The following PTPRD variants were observed in gnomAD, a reference collection of about 807,000 sequenced individuals.
PTPRD encodes receptor-type tyrosine-protein phosphatase delta.
PTPRD carries 34 observed loss-of-function variants against 214.5 expected under a neutral mutation model. The ratio of observed to expected loss-of-function variants is 0.16; its 90% CI spans 0.12 to 0.21. PTPRD has a LOEUF of 0.21. Among genes scored for constraint, PTPRD ranks in the 10% least tolerant of loss-of-function variants. The probability of loss-of-function intolerance (pLI) is 1.00; values close to 1 mark genes in which losing one functional copy is unlikely to be tolerated. For synonymous variants in PTPRD, 1,128 were observed against 845.7 expected, an observed-to-expected ratio of 1.33 and a Z score of -5.79; for missense variants, 2,545 against 2,398.7, an observed-to-expected ratio of 1.06 and a Z score of -1.27.
At chr9:10,495,774 G>A (rs2041865639) in intron 2 of PTPRD, among the ~76,000 whole-genome samples, 1 of 151,622 alleles carries the variant, frequency 6.6e-6, no homozygotes, top group Non-Finnish European at 1.5e-5. Context: ...CTGGTATGGA[G>A]CATTTAAAAT....
At chr9:8,840,621 T>A (rs1318105604) in intron 11 of PTPRD, among the ~76,000 whole-genome samples, 1 of 152,184 alleles carries the variant, frequency 6.6e-6, no homozygotes, top group Non-Finnish European at 1.5e-5. Context: ...ATGGGATGAT[T>A]TATATTTCTA....
intron 9 of PTPRD, among the ~76,000 whole-genome samples, chr9:9,363,214 T>A (rs1462170751): frequency 6.6e-6 from 1 of 150,504 alleles, no homozygotes; most frequent in African/African-American, 2.4e-5. Context: ...AAATAGGGAA[T>A]GATAAGGCCA....
chr9:9,900,276 G>GA, intron 5 of PTPRD, among the ~76,000 whole-genome samples: 1 of 152,106 alleles, frequency 6.6e-6, no homozygotes. Flanking sequence ...ATTTTTAGAA[G>GA]AAGCCAGGCC....
chr9:10,088,294 G>A (rs1165356772), intron 3 of PTPRD, among the ~76,000 whole-genome samples: 4 of 151,648 alleles, frequency 2.6e-5, no homozygotes, highest in African/African-American at 9.7e-5. Flanking sequence ...GCTTTTCATA[G>A]GAAAATGTAA....
chr9:9,895,299 G>A (rs1329881309), intron 5 of PTPRD, among the ~76,000 whole-genome samples: 1 of 149,294 alleles, frequency 6.7e-6, no homozygotes, highest in Non-Finnish European at 1.5e-5. Flanking sequence ...CACCTTAGGT[G>A]GTAACAGTGG....
chr9:8,468,873 C>A (rs183689017), intron 31 of PTPRD, among the ~76,000 whole-genome samples: 12 of 150,390 alleles, frequency 8.0e-5, no homozygotes, highest in African/African-American at 2.9e-4. Flanking sequence ...CCATAGCCTA[C>A]TTTCATTTGT....
At chr9:9,458,834 G>A (rs115512701) in intron 8 of PTPRD, among the ~76,000 whole-genome samples, 2,160 of 152,216 alleles carry the variant, frequency 0.014, 51 homozygotes, top group African/African-American at 0.05. Context: ...CAGCTACTTG[G>A]GAGGTTGAAG....
At chr9:10,364,112 A>G (rs1180184005) in intron 2 of PTPRD, among the ~76,000 whole-genome samples, 2 of 145,300 alleles carry the variant, frequency 1.4e-5, no homozygotes, top group Non-Finnish European at 3.0e-5. Flanking sequence ...CCATTCTCCT[A>G]CCTCAGCCTC....
chr9:9,916,200 A>G (rs2080753133), intron 5 of PTPRD, among the ~76,000 whole-genome samples: 1 of 152,086 alleles, frequency 6.6e-6, no homozygotes, highest in Non-Finnish European at 1.5e-5. Context: ...ACTCATTACT[A>G]CTAGCCAGTC....
chr9:8,487,727 T>C (rs943144110), intron 27 of PTPRD, among the ~76,000 whole-genome samples: 1 of 152,126 alleles, frequency 6.6e-6, no homozygotes, highest in Non-Finnish European at 1.5e-5. Flanking sequence ...GGAGCATCAC[T>C]TGAACCCGGG....
At chr9:9,473,680 G>T (rs975808352) in intron 8 of PTPRD, among the ~76,000 whole-genome samples, 1 of 152,026 alleles carries the variant, frequency 6.6e-6, no homozygotes, top group Admixed American at 6.5e-5. Flanking sequence ...TCCAACAGGG[G>T]TGACATACTT....
chr9:9,099,703 C>T (rs1278599213), intron 10 of PTPRD, among the ~76,000 whole-genome samples: 1 of 152,160 alleles, frequency 6.6e-6, no homozygotes, highest in Admixed American at 6.5e-5. Flanking sequence ...TTACTGAAAG[C>T]GTCACGCTGT....
chr9:9,434,353 C>T (rs933626515), intron 8 of PTPRD, among the ~76,000 whole-genome samples: 5 of 151,856 alleles, frequency 3.3e-5, no homozygotes, highest in South Asian at 2.1e-4. Context: ...CACTGATAAA[C>T]GAAATAGAAG....
chr9:9,099,268 G>A (rs1384484846), intron 10 of PTPRD, among the ~76,000 whole-genome samples: 1 of 152,110 alleles, frequency 6.6e-6, no homozygotes, highest in African/African-American at 2.4e-5. Context: ...TCAGTTGGGT[G>A]CTGGTTCATA....
chr9:10,078,465 A>G (rs34451706), intron 3 of PTPRD, among the ~76,000 whole-genome samples: 32,303 of 146,876 alleles, frequency 0.22, 3,822 homozygotes, highest in South Asian at 0.31. Flanking sequence ...GTAGTGAGCC[A>G]AGATCATGCC....
intron 11 of PTPRD, among the ~76,000 whole-genome samples, chr9:8,917,383 C>T (rs1261723797): frequency 1.3e-5 from 2 of 151,620 alleles, no homozygotes; most frequent in East Asian, 3.9e-4. Flanking sequence ...GGTGATCCAC[C>T]ACCTCGGCCT....
intron 2 of PTPRD, among the ~76,000 whole-genome samples, chr9:10,478,550 A>G (rs2099077638): frequency 6.6e-6 from 1 of 152,172 alleles, no homozygotes; most frequent in Admixed American, 6.6e-5. Context: ...TAAGCAACAT[A>G]TAATTAAATT....
At position 9,113,071 on chromosome 9, in the gene PTPRD, C is replaced by T. The variant is rs538741826; in HGVS notation, c.-143+70233G>A. ...CCTCAAACACCTGGACCCAAGTGAT[C>T]CTCCTCCCTCAGCCTCCCAAGTGGC... On this transcript the variant is annotated intron_variant, in intron 10 of 45. Transcript: ENST00000381196. Among the ~76,000 whole-genome samples, 6 of 151,632 alleles carry T rather than the reference C, an allele frequency of 4.0e-5. No individual in the cohort carries two copies. In the South Asian group the frequency reaches 1.3e-3, roughly 32 times the overall value.
chr9:10,488,362 G>C (rs1214829054), intron 2 of PTPRD, among the ~76,000 whole-genome samples: 1 of 116,644 alleles, frequency 8.6e-6, no homozygotes, highest in African/African-American at 3.7e-5. Context: ...GTGAGACTCT[G>C]TCTCAAAAAA....
Sources: gnomAD v4.1 joint callset for allele counts (sites outside exome capture counted in the v4.1 genomes callset) on GRCh38, gnomAD v4.1.1 for gene constraint, MANE v1.5 for transcripts, NCBI Gene and HGNC (gene_info 2026-07-23, HGNC 2026-07-21) for gene names.